LMO3: variants seen among roughly 807,000 people sequenced by gnomAD.
LMO3 encodes the protein LIM domain only 3.
Under a neutral mutation model 15.8 loss-of-function variants are expected in LMO3, and 2 were observed. The ratio of observed to expected loss-of-function variants is 0.13; its 90% CI spans 0.05 to 0.40. The LOEUF (loss-of-function observed/expected upper bound fraction) is 0.40. LMO3 is among the 10% of genes least tolerant of loss of function. The pLI is 0.99. For synonymous variants in LMO3, 62 were observed against 63.8 expected, an observed-to-expected ratio of 0.97 and a Z score of 0.13; for missense variants, 86 against 182.2, an observed-to-expected ratio of 0.47 and a Z score of 3.04.
intron 2 of LMO3, among the ~76,000 whole-genome samples, chr12:16,566,152 A>C (rs1942603282): frequency 6.7e-6 from 1 of 150,296 alleles, no homozygotes; most frequent in Non-Finnish European, 1.5e-5. Flanking sequence ...TAGATGGAAA[A>C]ATACCTCATG....
chr12:16,569,358 C>T (rs780164082), intron 2 of LMO3, among the ~76,000 whole-genome samples: 4 of 152,130 alleles, frequency 2.6e-5, no homozygotes, highest in Non-Finnish European at 5.9e-5. Context: ...CTCTAGGTTT[C>T]TGGACTGACA....
chr12:16,554,458 T>C (rs1942109923), intron 3 of LMO3, among the ~76,000 whole-genome samples: 2 of 152,150 alleles, frequency 1.3e-5, no homozygotes, highest in Admixed American at 1.3e-4. Flanking sequence ...CTATACTGTT[T>C]TCAATAAGAA....
At chr12:16,553,959 T>C (rs1173269098) in intron 3 of LMO3, among the ~76,000 whole-genome samples, 1 of 152,148 alleles carries the variant, frequency 6.6e-6, no homozygotes, top group Non-Finnish European at 1.5e-5. Flanking sequence ...AAACATAATC[T>C]TTCTTGTAAT....
At chr12:16,567,153 GC>G (rs1942646888) in intron 2 of LMO3, among the ~76,000 whole-genome samples, 1 of 152,082 alleles carries the variant, frequency 6.6e-6, no homozygotes, top group Non-Finnish European at 1.5e-5. Flanking sequence ...CTGAGATCGT[GC>G]CATTGCACTC....
rs973092141 is a variant in LMO3, at chr12:16,603,774, G to A, written c.-9+2292C>T. ...TTCCCTTGTTCTGTACCATTCATCC[G>A]CACAGTCTCAGCTTCAGTAGTTAAC... On this transcript the variant is annotated intron_variant, in intron 1 of 3. Coordinates refer to ENST00000537304, the MANE Select transcript of LMO3 (RefSeq NM_018640.5). This position sits in a 1 kb window ranked among gnomAD's most constrained non-coding sequence, Gnocchi z 4.9. Among the ~76,000 whole-genome samples, 1 of 152,044 alleles carries A rather than the reference G, an allele frequency of 6.6e-6. No homozygotes were observed. Among genetic ancestry groups the A allele is most frequent in the South Asian group, 2.1e-4 (1 of 4,824 alleles).
At position 16,560,811 on chromosome 12, in the gene LMO3, T is replaced by TG. The variant is rs1942374906; in HGVS notation, c.207-274dup. ...GTAACTGCACATAAACAGAAGTCAA[T>TG]GGGGGTGAATTCATAGCAAAAATCT... On this transcript the variant is annotated intron_variant, in intron 2 of 3. Transcript: ENST00000537304. This position sits in a 1 kb window ranked among gnomAD's most constrained non-coding sequence, Gnocchi z 5.0. 1 of 463,626 alleles carries TG rather than the reference T, an allele frequency of 2.2e-6. No homozygotes were observed. The highest frequency in any genetic ancestry group is 2.0e-5 in the African/African-American group (1 of 49,596). 28.7% of individuals were successfully genotyped at this position (463,626 alleles called of 1,614,324 possible).
intron 2 of LMO3, among the ~76,000 whole-genome samples, chr12:16,571,860 C>G (rs1457292741): frequency 6.6e-6 from 1 of 151,966 alleles, no homozygotes; most frequent in Non-Finnish European, 1.5e-5. Context: ...TCTTAAAACT[C>G]ATTGAAAAGG....
At chr12:16,554,260 A>G (rs1288165855) in intron 3 of LMO3, among the ~76,000 whole-genome samples, 1 of 152,190 alleles carries the variant, frequency 6.6e-6, no homozygotes, top group Non-Finnish European at 1.5e-5. Context: ...AGAAGCCTCC[A>G]CTGGTAACAT....
intron 1 of LMO3, 195 bp downstream of exon 1, chr12:16,605,871 T>C (rs1351690033): frequency 2.0e-6 from 3 of 1,513,022 alleles, no homozygotes; most frequent in East Asian, 2.5e-5. Context: ...TCACATGATT[T>C]AAACAAAACC....
At chr12:16,557,367 A>ATTTT (rs68115649) in intron 3 of LMO3, among the ~76,000 whole-genome samples, 1 of 142,724 alleles carries the variant, frequency 7.0e-6, no homozygotes, top group Non-Finnish European at 1.5e-5. Flanking sequence ...GGTGGCAAGG[A>ATTTT]TTTTTTTTTT....
rs780725342 is a variant in LMO3 at position 16,560,552 on chromosome 12, C to T, written c.207-14G>A. ...ACACCAAAGAGCCTAGAATAAGAAA[C>T]ATTTTTTTTTTTTTACAAACTCTTA... On this transcript the variant is annotated splice_polypyrimidine_tract_variant and intron_variant, in intron 2 of 3. Transcript: ENST00000537304. The surrounding 1 kb of genome is among the most constrained non-coding windows in gnomAD (Gnocchi z 5.0). 2.3e-5 allele frequency: 36 copies of T among 1,551,112 alleles called. No individual in the cohort carries two copies. In the South Asian group the frequency reaches 4.2e-4, roughly 18 times the overall value.
rs1943929551 is a variant in LMO3 at position 16,604,642 on chromosome 12, G to C, written c.-9+1424C>G. 1 of 573,076 alleles carries C rather than the reference G, an allele frequency of 1.7e-6. No individual in the cohort carries two copies. The highest frequency in any genetic ancestry group is 3.1e-6 in the Non-Finnish European group (1 of 323,796). The allele number at this position is 573,076 out of a possible 1,614,324, so 35.5% of individuals were successfully genotyped here. A position where few individuals can be genotyped will look rare whatever the true frequency, so the allele number is the denominator to read the frequency against. ...GTTTATGCTCCAGCCTTTTGTGGTT[G>C]TGTCTTTGCAGCCACACAGGGATGG... is the stretch of plus-strand genomic sequence containing the variant. On this transcript the variant is annotated intron_variant, in intron 1 of 3. Coordinates refer to ENST00000537304, the MANE Select transcript of LMO3 (RefSeq NM_018640.5). This position sits in a 1 kb window ranked among gnomAD's most constrained non-coding sequence, Gnocchi z 5.3.
rs1269753292 is a variant in LMO3 at position 16,555,157 on chromosome 12, G to A, written c.333-3830C>T. Among the ~76,000 whole-genome samples, 1 of 152,156 alleles carries A rather than the reference G, an allele frequency of 6.6e-6. No homozygotes were observed. Among genetic ancestry groups the A allele is most frequent in the Non-Finnish European group, 1.5e-5 (1 of 68,034 alleles). On this transcript the variant is annotated intron_variant, in intron 3 of 3. Coordinates refer to ENST00000537304, the MANE Select transcript of LMO3 (RefSeq NM_018640.5). This position sits in a 1 kb window ranked among gnomAD's most constrained non-coding sequence, Gnocchi z 5.5. ...TTGGTGTTTGACTAATACTTTATCA[G>A]AATTTGCTATCATTATTATTTGGTA...
chr12:16,567,879 C>T (rs1178219530), intron 2 of LMO3, among the ~76,000 whole-genome samples: 1 of 152,154 alleles, frequency 6.6e-6, no homozygotes, highest in Non-Finnish European at 1.5e-5. Flanking sequence ...ACTCAGAGGG[C>T]TCACTCCTAA....
rs933462074 is a variant in LMO3 at position 16,551,982 on chromosome 12, A to G, written c.333-655T>C. Among the ~76,000 whole-genome samples, 26 of 151,982 alleles carry G rather than the reference A, an allele frequency of 1.7e-4. 1 individual carries two copies. Among genetic ancestry groups the G allele is most frequent in the Non-Finnish European group, 1.5e-5 (1 of 67,862 alleles). ...GATGTCATTTCTTAGAGCACTTCCA[A>G]TTCAACCAAAGGGAGTAACCTAAAT... On this transcript the variant is annotated intron_variant, in intron 3 of 3. Coordinates refer to ENST00000537304, the MANE Select transcript of LMO3 (RefSeq NM_018640.5).
At chr12:16,588,759 G>A (rs1261644560) in intron 2 of LMO3, among the ~76,000 whole-genome samples, 3 of 151,946 alleles carry the variant, frequency 2.0e-5, no homozygotes, top group African/African-American at 4.8e-5. Flanking sequence ...GTTGGTAAAC[G>A]ACCTCATTAT....
chr12:16,558,026 C>A (rs1376391471), intron 3 of LMO3, among the ~76,000 whole-genome samples: 3 of 152,012 alleles, frequency 2.0e-5, no homozygotes, highest in African/African-American at 7.2e-5. Flanking sequence ...ATATGTGAAG[C>A]TCTGTCCATA....
At chr12:16,568,592 C>A (rs1309784999) in intron 2 of LMO3, among the ~76,000 whole-genome samples, 1 of 151,662 alleles carries the variant, frequency 6.6e-6, no homozygotes, top group Non-Finnish European at 1.5e-5. Flanking sequence ...AAGCTTAGCA[C>A]AAAAAAGAAA....
intron 2 of LMO3, among the ~76,000 whole-genome samples, chr12:16,570,154 T>G (rs1430361221): frequency 6.6e-6 from 1 of 152,204 alleles, no homozygotes; most frequent in Non-Finnish European, 1.5e-5. Context: ...TTTTTTGTGA[T>G]AGTCTATTCT....
Sources: allele counts gnomAD v4.1 joint callset (sites outside exome capture counted in the v4.1 genomes callset), GRCh38; gene constraint gnomAD v4.1.1; non-coding constraint Gnocchi (gnomAD v3.1); transcripts MANE v1.5; gene names NCBI Gene and HGNC (gene_info 2026-07-23, HGNC 2026-07-21).